The following SPOCK2 variants were observed in gnomAD, a reference collection of about 807,000 sequenced individuals.
SPOCK2 encodes testican-2.
Under a neutral mutation model 60.1 loss-of-function variants are expected in SPOCK2, and 39 were observed. The ratio of observed to expected loss-of-function variants is 0.65; its 90% CI spans 0.50 to 0.85. SPOCK2 has a LOEUF of 0.85. Ranked by LOEUF, SPOCK2 falls within the 40% of genes least tolerant of loss-of-function variation. The pLI is 0.00. For synonymous variants in SPOCK2, 217 were observed against 231.5 expected, an observed-to-expected ratio of 0.94 and a Z score of 0.57; for missense variants, 523 against 567.4, an observed-to-expected ratio of 0.92 and a Z score of 0.80.
chr10:72,070,010 G>A, intron 5 of SPOCK2: 1 of 271,866 alleles, frequency 3.7e-6, no homozygotes, highest in South Asian at 5.8e-5. Flanking sequence ...CTTGGCTGAG[G>A]TCTTCCCTCA....
At position 72,088,395 on chromosome 10, in the gene SPOCK2, C is replaced by T; in HGVS notation, c.-67G>A. 1 of 1,433,316 alleles carries T rather than the reference C, an allele frequency of 7.0e-7. No homozygotes were observed. Among genetic ancestry groups the T allele is most frequent in the Non-Finnish European group, 9.1e-7 (1 of 1,094,092 alleles). The allele number at this position is 1,433,316 out of a possible 1,614,324, so 88.8% of individuals were successfully genotyped here. On this transcript the variant is annotated 5_prime_UTR_variant, in exon 1 of 11. Coordinates refer to ENST00000373109, the MANE Select transcript of SPOCK2 (RefSeq NM_001244950.2). ...TATTTTAATGTCCTTCCTCCCACCCCGCTGCTGGCGAAGCGCACGCGGCTG... is the reference window on the plus strand; with the variant it reads ...TATTTTAATGTCCTTCCTCCCACCCTGCTGCTGGCGAAGCGCACGCGGCTG...
chr10:72,068,084 T>C, intron 6 of SPOCK2, 103 bp downstream of exon 6: 2 of 1,343,716 alleles, frequency 1.5e-6, no homozygotes, highest in Admixed American at 2.2e-5. Flanking sequence ...TTTTTGCCAC[T>C]TCCCTCTTGC....
Position 72,087,841 on chromosome 10 carries a change from C to A in SPOCK2, c.189+299G>T, listed in dbSNP as rs1468093534. Among the ~76,000 whole-genome samples, 3 of 152,056 alleles carry A rather than the reference C, an allele frequency of 2.0e-5. No individual in the cohort carries two copies. Among genetic ancestry groups the A allele is most frequent in the Non-Finnish European group, 2.9e-5 (2 of 67,976 alleles). On this transcript the variant is annotated intron_variant, in intron 1 of 10. Transcript: ENST00000373109. This position sits in a 1 kb window ranked among gnomAD's most constrained non-coding sequence, Gnocchi z 4.7. ...CGGGGTCCGGGTCCCCCCGGCCCCG[C>A]ACCCCTTCCCACTCCCGGCCCGCAG...
intron 1 of SPOCK2, 102 bp downstream of exon 1, chr10:72,088,038 A>AGCCTCGGGCTGCGAC: frequency 7.1e-7 from 1 of 1,418,324 alleles, no homozygotes; most frequent in Admixed American, 2.0e-5. Context: ...CAGGCTGCGG[A>AGCCTCGGGCTGCGAC]GCCTCGGGCT....
At chr10:72,074,125 G>A (rs1381885119) in intron 1 of SPOCK2, among the ~76,000 whole-genome samples, 2 of 152,174 alleles carry the variant, frequency 1.3e-5, no homozygotes, top group African/African-American at 2.4e-5. Flanking sequence ...GTCAGGTCTG[G>A]GGGAAAAGGG....
chr10:72,080,628 G>C (rs1209891602), intron 1 of SPOCK2, among the ~76,000 whole-genome samples: 2 of 152,016 alleles, frequency 1.3e-5, no homozygotes, highest in Non-Finnish European at 2.9e-5. Context: ...GGGAAGTGGG[G>C]GGCAGAGGGG....
chr10:72,062,755 G>A lies in SPOCK2; in HGVS notation c.*5C>T, dbSNP rs1840509632. The A allele has an allele frequency of 5.6e-6, 9 of 1,597,632 alleles. No individual in the cohort carries two copies. The highest frequency in any genetic ancestry group is 7.6e-6 in the Non-Finnish European group (9 of 1,176,832). ...TCCCCCCCGGCAGCCGGCTCCTGAG[G>A]GCGTCTACCAGATGTAGCCCCCGTC... is the stretch of plus-strand genomic sequence containing the variant. On this transcript the variant is annotated 3_prime_UTR_variant, in exon 11 of 11. Transcript: ENST00000373109. The surrounding 1 kb of genome is among the most constrained non-coding windows in gnomAD (Gnocchi z 4.3).
chr10:72,072,049 A>G, intron 4 of SPOCK2, 95 bp downstream of exon 4: 1 of 952,300 alleles, frequency 1.1e-6, no homozygotes, highest in Non-Finnish European at 1.5e-6. Context: ...TTTATTTAAC[A>G]GCAGTAGATG....
intron 8 of SPOCK2, 103 bp from the exon 9 acceptor site, chr10:72,064,343 G>A (rs1008919069): frequency 3.1e-5 from 40 of 1,284,352 alleles, no homozygotes; most frequent in African/African-American, 6.1e-5. Context: ...TCTGCAAGAT[G>A]AAAACACCCC....
intron 1 of SPOCK2, chr10:72,086,999 A>G: frequency 6.4e-7 from 1 of 1,551,310 alleles, no homozygotes; most frequent in Non-Finnish European, 8.7e-7. Context: ...GAACCTGGGG[A>G]AGGAGGAGTA....
At position 72,062,560 on chromosome 10, in the gene SPOCK2, C is replaced by A; in HGVS notation, c.*200G>T. On this transcript the variant is annotated 3_prime_UTR_variant, in exon 11 of 11. Transcript: ENST00000373109. The surrounding 1 kb of genome is among the most constrained non-coding windows in gnomAD (Gnocchi z 4.3). ...TGCCACACACACACACACATACACA[C>A]ATGCATGCACACATGCACTCACACT... 2 of 936,590 alleles carry A rather than the reference C, an allele frequency of 2.1e-6. No individual in the cohort carries two copies. Among genetic ancestry groups the A allele is most frequent in the Non-Finnish European group, 3.2e-6 (2 of 632,024 alleles). The allele number at this position is 936,590 out of a possible 1,614,324, so 58.0% of individuals were successfully genotyped here. A position where few individuals can be genotyped will look rare whatever the true frequency, so the allele number is the denominator to read the frequency against.
chr10:72,080,491 GAA>G (rs1425738582), intron 1 of SPOCK2, among the ~76,000 whole-genome samples: 1 of 152,182 alleles, frequency 6.6e-6, no homozygotes, highest in Non-Finnish European at 1.5e-5. Flanking sequence ...GAAGGACTCA[GAA>G]AAGAGCAAGG....
chr10:72,086,658 T>C (rs1840859693), intron 1 of SPOCK2: 2 of 1,250,896 alleles, frequency 1.6e-6, no homozygotes, highest in Non-Finnish European at 2.0e-6. Flanking sequence ...TCCAGGCTCC[T>C]GCGGCTGGAC....
intron 5 of SPOCK2, 86 bp downstream of exon 5, chr10:72,070,226 C>G: frequency 7.4e-7 from 1 of 1,353,076 alleles, no homozygotes; most frequent in Non-Finnish European, 1.0e-6. Context: ...GAAACCCCTC[C>G]GGAGGCCCCA....
intron 1 of SPOCK2, among the ~76,000 whole-genome samples, chr10:72,083,670 G>C (rs933229934): frequency 1.3e-5 from 2 of 152,206 alleles, no homozygotes; most frequent in African/African-American, 4.8e-5. Context: ...GTCTCGCTGG[G>C]TGTTCAAGAG....
At chr10:72,086,875 G>T in intron 1 of SPOCK2, 1 of 1,550,608 alleles carries the variant, frequency 6.4e-7, no homozygotes, top group Admixed American at 2.0e-5. Context: ...GATAGCCTAT[G>T]AAGCATGTGT....
intron 1 of SPOCK2, among the ~76,000 whole-genome samples, chr10:72,084,530 C>T (rs528233464): frequency 6.6e-6 from 1 of 152,156 alleles, no homozygotes; most frequent in East Asian, 1.9e-4. Context: ...GCCCACCTTC[C>T]TAGGAGGTGA....
At position 72,088,377 on chromosome 10, in the gene SPOCK2, A is replaced by C. The variant is rs2131827236; in HGVS notation, c.-49T>G. The C allele has an allele frequency of 6.8e-7, 1 of 1,468,164 alleles. No homozygotes were observed. The highest frequency in any genetic ancestry group is 2.4e-5 in the East Asian group (1 of 40,874). The allele number at this position is 1,468,164 out of a possible 1,614,324, so 90.9% of individuals were successfully genotyped here. A position where few individuals can be genotyped will look rare whatever the true frequency, so the allele number is the denominator to read the frequency against. On this transcript the variant is annotated 5_prime_UTR_variant, in exon 1 of 11. Transcript: ENST00000373109. Reference sequence around the variant, plus strand: ...GGGTCTTGACTTCTGCAGTATTTTAATGTCCTTCCTCCCACCCCGCTGCTG... The same window carrying C: ...GGGTCTTGACTTCTGCAGTATTTTACTGTCCTTCCTCCCACCCCGCTGCTG...
chr10:72,075,776 G>A (rs971925356), intron 1 of SPOCK2, among the ~76,000 whole-genome samples: 7 of 152,126 alleles, frequency 4.6e-5, no homozygotes, highest in Non-Finnish European at 8.8e-5. Flanking sequence ...AGGATGGAGG[G>A]GCCCCAGTGG....
Sources: allele counts gnomAD v4.1 joint callset (sites outside exome capture counted in the v4.1 genomes callset), GRCh38; gene constraint gnomAD v4.1.1; non-coding constraint Gnocchi (gnomAD v3.1); transcripts MANE v1.5; gene names NCBI Gene and HGNC (gene_info 2026-07-23, HGNC 2026-07-21).